The following SLC67A1 variants were observed in gnomAD, a reference collection of about 807,000 sequenced individuals.
SLC67A1 encodes the protein solute carrier family 67 member 1.
At chr11:2,915,283 G>A in the SLC67A1 span, 2 of 942,630 alleles carry the variant, frequency 2.1e-6, no homozygotes, top group Non-Finnish European at 2.5e-6. Flanking sequence ...GTTTGCCCGT[G>A]TGTGTGTGTG....
At chr11:2,924,418 C>T in the SLC67A1 span, among the ~76,000 whole-genome samples, 5 of 152,056 alleles carry the variant, frequency 3.3e-5, no homozygotes, top group South Asian at 6.2e-4. The surrounding 1 kb of genome is among the most constrained non-coding windows in gnomAD (Gnocchi z 8.6). Flanking sequence ...CAGGAGGGGC[C>T]GTGGGATGGG....
chr11:2,918,890 TCA>T, the SLC67A1 span: 30 of 180,368 alleles, frequency 1.7e-4, no homozygotes, highest in East Asian at 4.8e-3. Flanking sequence ...AGACAGGGTC[TCA>T]CTATCTTTTC....
At chr11:2,906,215 A>C in the SLC67A1 span, among the ~76,000 whole-genome samples, 1 of 152,214 alleles carries the variant, frequency 6.6e-6, no homozygotes, top group East Asian at 1.9e-4. Flanking sequence ...AAAAGTCAGG[A>C]AACAACAGAT....
the SLC67A1 span, chr11:2,919,164 G>T: frequency 1.3e-5 from 8 of 633,262 alleles, no homozygotes; most frequent in East Asian, 2.7e-5. Context: ...CATTGGCCCG[G>T]CTGGCATCAC....
chr11:2,916,224 C>T, the SLC67A1 span: 1 of 179,848 alleles, frequency 5.6e-6, no homozygotes, highest in Admixed American at 6.3e-5. Flanking sequence ...GTGCCCAGGT[C>T]TCGGAGAGCC....
the SLC67A1 span, chr11:2,918,100 G>A: frequency 1.2e-6 from 2 of 1,609,198 alleles, no homozygotes; most frequent in Non-Finnish European, 1.7e-6. Context: ...CCACAGGTGA[G>A]TCCCAACTAC....
At chr11:2,919,101 C>T in the SLC67A1 span, 1 of 592,136 alleles carries the variant, frequency 1.7e-6, no homozygotes, top group Non-Finnish European at 3.1e-6. Context: ...TTAGCAACCA[C>T]ACGAGAGGCA....
At chr11:2,912,328 A>T in the SLC67A1 span, among the ~76,000 whole-genome samples, 1 of 152,192 alleles carries the variant, frequency 6.6e-6, no homozygotes. Flanking sequence ...CAGGCTCCAA[A>T]GCCTGGTGCC....
the SLC67A1 span, among the ~76,000 whole-genome samples, chr11:2,923,120 G>T: frequency 1.3e-5 from 2 of 152,174 alleles, no homozygotes; most frequent in African/African-American, 4.8e-5. This position sits in a 1 kb window ranked among gnomAD's most constrained non-coding sequence, Gnocchi z 6.5. Context: ...GGTGTCCTGG[G>T]CCCGATGTTA....
the SLC67A1 span, among the ~76,000 whole-genome samples, chr11:2,924,046 C>T: frequency 1.3e-5 from 2 of 152,176 alleles, no homozygotes; most frequent in Non-Finnish European, 2.9e-5. This position sits in a 1 kb window ranked among gnomAD's most constrained non-coding sequence, Gnocchi z 8.6. Context: ...CCTCTGGGCA[C>T]GGGACCAGAG....
chr11:2,903,158 G>C, the SLC67A1 span: 2 of 1,398,180 alleles, frequency 1.4e-6, no homozygotes, highest in Non-Finnish European at 1.9e-6. Context: ...CTAAGGTCCA[G>C]GTAGCAGGAG....
the SLC67A1 span, among the ~76,000 whole-genome samples, chr11:2,914,231 T>C: frequency 1.3e-5 from 2 of 152,158 alleles, no homozygotes; most frequent in African/African-American, 4.8e-5. Flanking sequence ...CCCACCTTCC[T>C]GGTCGTGGCT....
chr11:2,924,861 G>A, the SLC67A1 span: 1 of 656,896 alleles, frequency 1.5e-6, no homozygotes, highest in Non-Finnish European at 2.5e-6. The surrounding 1 kb of genome is among the most constrained non-coding windows in gnomAD (Gnocchi z 8.6). Context: ...GGGTGTTCAG[G>A]GGAGTATTTC....
At chr11:2,917,900 G>A in the SLC67A1 span, 39 of 1,008,542 alleles carry the variant, frequency 3.9e-5, no homozygotes, top group East Asian at 5.8e-4. Context: ...GCGCAACAGG[G>A]CCCTCCGAAT....
the SLC67A1 span, chr11:2,922,260 C>T: frequency 6.5e-7 from 1 of 1,547,534 alleles, no homozygotes; most frequent in South Asian, 1.1e-5. Flanking sequence ...GCAAGGCCAC[C>T]TGGGCGGTAC....
At chr11:2,917,023 G>GGC in the SLC67A1 span, 341 of 465,292 alleles carry the variant, frequency 7.3e-4, 3 homozygotes, top group Middle Eastern at 1.7e-3. Flanking sequence ...AGACAGGGAA[G>GGC]GTGCTAGGAG....
At chr11:2,902,798 C>A in the SLC67A1 span, 1 of 939,742 alleles carries the variant, frequency 1.1e-6, no homozygotes, top group Non-Finnish European at 1.3e-6. Context: ...CCCCTTGGAG[C>A]TCTGGCTGCT....
At chr11:2,924,983 G>T in the SLC67A1 span, 4 of 1,583,056 alleles carry the variant, frequency 2.5e-6, no homozygotes, top group Non-Finnish European at 3.4e-6. This position sits in a 1 kb window ranked among gnomAD's most constrained non-coding sequence, Gnocchi z 8.6. Context: ...GCTGCCCAGG[G>T]CCTGACTACC....
chr11:2,910,153 C>T, the SLC67A1 span, among the ~76,000 whole-genome samples: 254 of 152,278 alleles, frequency 1.7e-3, 1 homozygote, highest in South Asian at 0.017. Flanking sequence ...TTGTTTGAGT[C>T]CCCGAACGTT....
Sources: allele counts gnomAD v4.1 joint callset (sites outside exome capture counted in the v4.1 genomes callset), GRCh38; gene constraint gnomAD v4.1.1; non-coding constraint Gnocchi (gnomAD v3.1); transcripts MANE v1.5; gene names NCBI Gene and HGNC (gene_info 2026-07-23, HGNC 2026-07-21).